The following HTR1F variants were observed in gnomAD, a reference collection of about 807,000 sequenced individuals.
The protein encoded by HTR1F is 5-hydroxytryptamine receptor 1F, also known as 5-hydroxytryptamine (serotonin) receptor 1F, G protein-coupled.
HTR1F carries 17 observed loss-of-function variants against 24.0 expected under a neutral mutation model. The ratio of observed to expected loss-of-function variants is 0.71; its 90% confidence interval spans 0.48 to 1.06. The LOEUF is 1.06. Ranked by LOEUF, HTR1F falls within the 50% of genes least tolerant of loss-of-function variation. The pLI is 0.00. For missense variants in HTR1F, 391 were observed against 427.8 expected, an observed-to-expected ratio of 0.91 and a Z score of 0.76; for synonymous variants, 186 against 156.8, an observed-to-expected ratio of 1.19 and a Z score of -1.39.
At chr3:87,802,610 A>G (rs1267409565) in intron 1 of HTR1F, among the ~76,000 whole-genome samples, 1 of 151,914 alleles carries the variant, frequency 6.6e-6, no homozygotes, top group Non-Finnish European at 1.5e-5. Context: ...CACCCCCTCA[A>G]ACTGCTGGGA....
At chr3:87,912,180 C>T (rs183534133) in intron 2 of HTR1F, among the ~76,000 whole-genome samples, 1 of 151,314 alleles carries the variant, frequency 6.6e-6, no homozygotes, top group Admixed American at 6.6e-5. Context: ...AGTCTAAGCA[C>T]AAAAGCTCCT....
intron 1 of HTR1F, among the ~76,000 whole-genome samples, chr3:87,798,195 C>G (rs941020111): frequency 6.6e-6 from 1 of 152,154 alleles, no homozygotes; most frequent in Non-Finnish European, 1.5e-5. Flanking sequence ...AACACTGTCT[C>G]TGCCCCCTCC....
chr3:87,822,712 A>G (rs1472878997), intron 2 of HTR1F, among the ~76,000 whole-genome samples: 2 of 152,124 alleles, frequency 1.3e-5, no homozygotes, highest in Non-Finnish European at 2.9e-5. Flanking sequence ...GTCTGAGGGG[A>G]CCATTCATAG....
intron 2 of HTR1F, among the ~76,000 whole-genome samples, chr3:87,842,285 C>T (rs1404990658): frequency 1.3e-5 from 2 of 151,582 alleles, no homozygotes; most frequent in Non-Finnish European, 2.9e-5. Flanking sequence ...CTCAGCCTCC[C>T]GAGTAGCTGG....
intron 2 of HTR1F, among the ~76,000 whole-genome samples, chr3:87,979,211 A>AG (rs970967844): frequency 6.6e-6 from 1 of 151,794 alleles, no homozygotes; most frequent in Non-Finnish European, 1.5e-5. Flanking sequence ...AAGTCAGTCC[A>AG]GGGGCCTTTG....
At chr3:87,943,495 G>A (rs1704619713) in intron 2 of HTR1F, among the ~76,000 whole-genome samples, 1 of 150,422 alleles carries the variant, frequency 6.6e-6, no homozygotes, top group Admixed American at 6.7e-5. Flanking sequence ...CATAATCGGG[G>A]AATATTGGCA....
intron 2 of HTR1F, among the ~76,000 whole-genome samples, chr3:87,839,363 C>A (rs548560915): frequency 2.0e-5 from 3 of 152,090 alleles, no homozygotes; most frequent in South Asian, 4.1e-4. Context: ...GCAACTTTAT[C>A]AAAAATGTAT....
chr3:87,971,292 G>T (rs1705280637), intron 2 of HTR1F, among the ~76,000 whole-genome samples: 2 of 152,190 alleles, frequency 1.3e-5, no homozygotes, highest in South Asian at 4.2e-4. Context: ...CAATGGCCGG[G>T]CATGGTGACT....
At chr3:87,880,456 T>C (rs377611175) in intron 2 of HTR1F, among the ~76,000 whole-genome samples, 1 of 152,172 alleles carries the variant, frequency 6.6e-6, no homozygotes, top group Non-Finnish European at 1.5e-5. Flanking sequence ...CTTACTTTCT[T>C]AGGATACATA....
At chr3:87,935,539 G>C (rs893925535) in intron 2 of HTR1F, among the ~76,000 whole-genome samples, 3 of 151,622 alleles carry the variant, frequency 2.0e-5, no homozygotes, top group African/African-American at 7.3e-5. Flanking sequence ...AAATGAAACT[G>C]CTTCACTCAG....
intron 2 of HTR1F, among the ~76,000 whole-genome samples, chr3:87,844,800 G>T (rs1490779402): frequency 6.8e-6 from 1 of 147,924 alleles, no homozygotes; most frequent in Non-Finnish European, 1.5e-5. Flanking sequence ...TTTCCCCATT[G>T]CTTGTTTTTC....
intron 2 of HTR1F, among the ~76,000 whole-genome samples, chr3:87,895,467 T>C (rs1394952308): frequency 1.3e-5 from 2 of 152,050 alleles, no homozygotes; most frequent in African/African-American, 4.8e-5. Context: ...CAAATAATAT[T>C]GATGGGATAC....
rs547024437 is a variant in HTR1F, at chr3:87,858,403, G to A, written c.-43+36279G>A. ...GCCATCGTGTTACATTGTTTTGCCC[G>A]AGAAGACAGACCTGTTATTTTGAGC... On this transcript the variant is annotated intron_variant, in intron 2 of 2. Transcript: ENST00000319595. Among the ~76,000 whole-genome samples the A allele has an allele frequency of 9.7e-4, 148 of 152,190 alleles. 1 individual carries two copies. The Middle Eastern group carries it at 0.014, about 14-fold the overall frequency.
intron 2 of HTR1F, among the ~76,000 whole-genome samples, chr3:87,863,173 C>G (rs371885207): frequency 2.0e-5 from 3 of 152,156 alleles, no homozygotes. Context: ...ACCTAATGAT[C>G]TTTCTGAAGG....
At chr3:87,873,131 C>G (rs1827531) in intron 2 of HTR1F, among the ~76,000 whole-genome samples, 10,461 of 112,422 alleles carry the variant, frequency 0.093, 923 homozygotes, top group African/African-American at 0.27. Context: ...CACACACACA[C>G]ACAGAGAGAT....
intron 2 of HTR1F, among the ~76,000 whole-genome samples, chr3:87,903,506 CA>C (rs1162224020): frequency 6.6e-6 from 1 of 150,944 alleles, no homozygotes; most frequent in East Asian, 1.9e-4. Flanking sequence ...TTTATGCAGC[CA>C]AAAAACACAT....
At chr3:87,819,412 G>A (rs62267036) in intron 1 of HTR1F, among the ~76,000 whole-genome samples, 1 of 151,012 alleles carries the variant, frequency 6.6e-6, no homozygotes, top group African/African-American at 2.4e-5. Flanking sequence ...CTTATTTTTA[G>A]AGGGCAGTTT....
chr3:87,872,026 C>A (rs1381396662), intron 2 of HTR1F, among the ~76,000 whole-genome samples: 1 of 152,040 alleles, frequency 6.6e-6, no homozygotes, highest in African/African-American at 2.4e-5. Flanking sequence ...AGTCTTAACA[C>A]ACTTGAAAAG....
chr3:87,943,319 A>C (rs537373078), intron 2 of HTR1F, among the ~76,000 whole-genome samples: 2 of 152,340 alleles, frequency 1.3e-5, no homozygotes, highest in East Asian at 3.9e-4. Context: ...ATATCTCTCC[A>C]TGTCAGATCA....
Sources: gnomAD v4.1 joint callset for allele counts (sites outside exome capture counted in the v4.1 genomes callset) on GRCh38, gnomAD v4.1.1 for gene constraint, MANE v1.5 for transcripts, NCBI Gene and HGNC (gene_info 2026-07-23, HGNC 2026-07-21) for gene names.